The following PTPRD variants were observed in gnomAD, a reference collection of about 807,000 sequenced individuals.
PTPRD encodes the protein protein tyrosine phosphatase receptor type D.
PTPRD carries 34 observed loss-of-function variants against 214.5 expected under a neutral mutation model. The ratio of observed to expected loss-of-function variants is 0.16; its 90% CI spans 0.12 to 0.21. The LOEUF is 0.21. PTPRD is among the 10% of genes least tolerant of loss of function. The pLI is 1.00. For missense variants in PTPRD, 2,545 were observed against 2,398.7 expected (o/e 1.06, Z -1.27); for synonymous variants, 1,128 against 845.7 (o/e 1.33, Z -5.79).
intron 6 of PTPRD, among the ~76,000 whole-genome samples, chr9:9,742,917 T>C (rs1244674670): frequency 6.6e-6 from 1 of 152,202 alleles, no homozygotes; most frequent in Non-Finnish European, 1.5e-5. Flanking sequence ...TAGAGAGACC[T>C]AAAATCAATT....
At chr9:10,465,991 G>A (rs1435082070) in intron 2 of PTPRD, among the ~76,000 whole-genome samples, 2 of 152,142 alleles carry the variant, frequency 1.3e-5, no homozygotes, top group African/African-American at 4.8e-5. Flanking sequence ...TTAGAACTAT[G>A]ATTACCGATT....
At chr9:8,835,740 G>A (rs1270670182) in intron 11 of PTPRD, among the ~76,000 whole-genome samples, 2 of 151,952 alleles carry the variant, frequency 1.3e-5, no homozygotes, top group African/African-American at 4.8e-5. Context: ...GTCTCTCTAT[G>A]CTGCCCAGGC....
intron 7 of PTPRD, among the ~76,000 whole-genome samples, chr9:9,683,624 A>T (rs895409469): frequency 6.6e-6 from 1 of 151,736 alleles, no homozygotes. Context: ...CAGAATGTCA[A>T]CTCTGAAGTA....
At chr9:10,362,513 T>G (rs941295523) in intron 2 of PTPRD, among the ~76,000 whole-genome samples, 1 of 152,156 alleles carries the variant, frequency 6.6e-6, no homozygotes, top group African/African-American at 2.4e-5. Context: ...AGTCTACTTC[T>G]TGAAATTCTT....
chr9:10,333,286 A>C (rs1437530512), intron 3 of PTPRD, among the ~76,000 whole-genome samples: 1 of 151,802 alleles, frequency 6.6e-6, no homozygotes, highest in African/African-American at 2.4e-5. Context: ...ACCCAGGAAC[A>C]ACCACAGGAG....
intron 5 of PTPRD, among the ~76,000 whole-genome samples, chr9:9,869,497 C>A (rs891553678): frequency 6.6e-6 from 1 of 152,158 alleles, no homozygotes; most frequent in Middle Eastern, 3.4e-3. Context: ...TATTGTAGAA[C>A]GTTCCACATG....
At chr9:9,641,436 G>A (rs983410018) in intron 7 of PTPRD, among the ~76,000 whole-genome samples, 1 of 152,128 alleles carries the variant, frequency 6.6e-6, no homozygotes, top group Non-Finnish European at 1.5e-5. Context: ...AGATAAGTAA[G>A]GGATTCATTT....
At chr9:9,912,293 G>T (rs926104021) in intron 5 of PTPRD, among the ~76,000 whole-genome samples, 5 of 152,126 alleles carry the variant, frequency 3.3e-5, no homozygotes, top group African/African-American at 1.2e-4. Context: ...CATTTGTTCT[G>T]AGTTGGAATA....
intron 7 of PTPRD, among the ~76,000 whole-genome samples, chr9:9,587,577 T>C (rs2092206275): frequency 6.6e-6 from 1 of 151,974 alleles, no homozygotes; most frequent in African/African-American, 2.4e-5. Context: ...TATGAGATAC[T>C]ACAGTGCTTC....
At chr9:10,573,964 C>T (rs1191697033) in intron 2 of PTPRD, among the ~76,000 whole-genome samples, 1 of 151,906 alleles carries the variant, frequency 6.6e-6, no homozygotes, top group African/African-American at 2.4e-5. Flanking sequence ...AATTAATAAA[C>T]CCAGGACAGT....
intron 8 of PTPRD, among the ~76,000 whole-genome samples, chr9:9,474,377 T>C (rs1309579262): frequency 6.6e-6 from 1 of 152,068 alleles, no homozygotes; most frequent in East Asian, 1.9e-4. Flanking sequence ...CATTTTGAAG[T>C]CGGGTCCAGC....
At chr9:10,184,263 A>G (rs2099317568) in intron 3 of PTPRD, among the ~76,000 whole-genome samples, 1 of 152,094 alleles carries the variant, frequency 6.6e-6, no homozygotes, top group South Asian at 2.1e-4. Flanking sequence ...CATCTCTACC[A>G]AAAATAGAAA....
At chr9:8,359,355 C>T (rs900608879) in intron 39 of PTPRD, among the ~76,000 whole-genome samples, 6 of 151,922 alleles carry the variant, frequency 3.9e-5, no homozygotes, top group Non-Finnish European at 7.4e-5. Flanking sequence ...GACTGAGCCT[C>T]GCTCTGTTGC....
At chr9:8,520,357 G>C (rs1288162278) in intron 20 of PTPRD, among the ~76,000 whole-genome samples, 2 of 152,032 alleles carry the variant, frequency 1.3e-5, no homozygotes, top group Non-Finnish European at 2.9e-5. Context: ...TATACGCTTG[G>C]TTAGAGATGC....
At chr9:10,024,788 A>AC (rs2096890103) in intron 4 of PTPRD, among the ~76,000 whole-genome samples, 4 of 54,298 alleles carry the variant, frequency 7.4e-5, no homozygotes, top group Non-Finnish European at 9.9e-5. Flanking sequence ...CCCTCCCCCC[A>AC]CCCCACAACA....
At chr9:8,668,400 G>A (rs1345063057) in intron 12 of PTPRD, among the ~76,000 whole-genome samples, 7 of 152,162 alleles carry the variant, frequency 4.6e-5, no homozygotes, top group Non-Finnish European at 7.4e-5. Context: ...CATGCAGATA[G>A]ATACATGGAG....
intron 8 of PTPRD, among the ~76,000 whole-genome samples, chr9:9,448,525 C>T (rs2091190806): frequency 6.6e-6 from 1 of 152,038 alleles, no homozygotes; most frequent in East Asian, 1.9e-4. Context: ...TTCCTGAGTC[C>T]TCCCCAGCCA....
chr9:8,648,472 T>C (rs891842521), intron 12 of PTPRD, among the ~76,000 whole-genome samples: 3 of 152,192 alleles, frequency 2.0e-5, no homozygotes, highest in Non-Finnish European at 4.4e-5. Flanking sequence ...TGTGAAGTCA[T>C]TCTTACCATT....
At position 8,639,720 on chromosome 9, in the gene PTPRD, T is replaced by C. The variant is rs752468490; in HGVS notation, c.65-2876A>G. 6.6e-4 allele frequency among the ~76,000 whole-genome samples: 100 copies of C among 152,222 alleles called. 2 individuals carry two copies. The highest frequency in any genetic ancestry group is 5.3e-4 in the Non-Finnish European group (36 of 68,040). On this transcript the variant is annotated intron_variant, in intron 12 of 45. Transcript: ENST00000381196. Reference sequence around the variant, plus strand: ...TGGATGCTTGGGTAAGTGCTTCATCTGTCCTGTTGCCATGTAAGGACCTAA... The same window carrying C: ...TGGATGCTTGGGTAAGTGCTTCATCCGTCCTGTTGCCATGTAAGGACCTAA...
Sources: allele counts gnomAD v4.1 joint callset (sites outside exome capture counted in the v4.1 genomes callset), GRCh38; gene constraint gnomAD v4.1.1; transcripts MANE v1.5; gene names NCBI Gene and HGNC (gene_info 2026-07-23, HGNC 2026-07-21).